SLC24A3: variants seen among roughly 807,000 people sequenced by gnomAD.
The protein encoded by SLC24A3 is sodium/potassium/calcium exchanger 3.
Under a neutral mutation model 75.8 loss-of-function variants are expected in SLC24A3, and 28 were observed. The observed-to-expected ratio is 0.37, with a 90% CI of 0.27 to 0.51. The LOEUF (loss-of-function observed/expected upper bound fraction) is 0.51. Among genes scored for constraint, SLC24A3 ranks in the 20% least tolerant of loss-of-function variants. The probability of loss-of-function intolerance (pLI) is 0.94; values close to 1 mark genes in which losing one functional copy is unlikely to be tolerated. For synonymous variants in SLC24A3, 372 were observed against 334.1 expected (o/e 1.11, Z -1.24); for missense variants, 663 against 847.8 (o/e 0.78, Z 2.71).
intron 2 of SLC24A3, among the ~76,000 whole-genome samples, chr20:19,316,842 T>TAAA (rs1279263830): frequency 6.6e-6 from 1 of 152,196 alleles, no homozygotes; most frequent in Non-Finnish European, 1.5e-5. Context: ...ATTTCCTACT[T>TAAA]TTATTTTAAG....
chr20:19,495,524 C>T (rs574423262), intron 2 of SLC24A3, among the ~76,000 whole-genome samples: 1 of 152,346 alleles, frequency 6.6e-6, no homozygotes, highest in African/African-American at 2.4e-5. Context: ...GCTATTCATC[C>T]AGGCTTGTTA....
intron 7 of SLC24A3, among the ~76,000 whole-genome samples, chr20:19,656,369 C>G (rs997121505): frequency 4.5e-4 from 56 of 124,556 alleles, no homozygotes; most frequent in African/African-American, 1.7e-3. Flanking sequence ...AGAACCCACC[C>G]CACAGAGCAG....
chr20:19,362,706 A>G (rs1985811662), intron 2 of SLC24A3, among the ~76,000 whole-genome samples: 1 of 152,084 alleles, frequency 6.6e-6, no homozygotes, highest in Non-Finnish European at 1.5e-5. Flanking sequence ...ACTTGAACCG[A>G]CGTCTCCTGT....
At chr20:19,392,177 G>A (rs1332134932) in intron 2 of SLC24A3, among the ~76,000 whole-genome samples, 1 of 149,466 alleles carries the variant, frequency 6.7e-6, no homozygotes, top group Non-Finnish European at 1.5e-5. Flanking sequence ...TATCTTAACA[G>A]TTTCCTGAGC....
At chr20:19,235,701 C>T (rs146759632) in intron 1 of SLC24A3, among the ~76,000 whole-genome samples, 9 of 152,318 alleles carry the variant, frequency 5.9e-5, no homozygotes, top group Admixed American at 2.6e-4. Context: ...ACTGTTCCAG[C>T]GCATCACATG....
At chr20:19,335,854 G>A (rs1221313385) in intron 2 of SLC24A3, among the ~76,000 whole-genome samples, 3 of 152,308 alleles carry the variant, frequency 2.0e-5, no homozygotes, top group Middle Eastern at 3.4e-3. Context: ...TACATGACCA[G>A]TGTGTGGGAT....
At chr20:19,538,683 T>A (rs2030444130) in intron 3 of SLC24A3, among the ~76,000 whole-genome samples, 1 of 152,160 alleles carries the variant, frequency 6.6e-6, no homozygotes, top group Non-Finnish European at 1.5e-5. Context: ...GAACATAAAT[T>A]GATGCACTCA....
chr20:19,300,854 T>C (rs1265998219), intron 2 of SLC24A3, among the ~76,000 whole-genome samples: 1 of 152,136 alleles, frequency 6.6e-6, no homozygotes, highest in Non-Finnish European at 1.5e-5. Flanking sequence ...ATTGAGGGAC[T>C]GTTCACTGTC....
At chr20:19,613,879 A>G (rs2031702716) in intron 6 of SLC24A3, among the ~76,000 whole-genome samples, 1 of 152,318 alleles carries the variant, frequency 6.6e-6, no homozygotes, top group Admixed American at 6.5e-5. Flanking sequence ...TCCAGTCTCC[A>G]TGTATTTTTC....
chr20:19,575,581 A>C (rs1482939601), intron 3 of SLC24A3, among the ~76,000 whole-genome samples: 29 of 152,224 alleles, frequency 1.9e-4, no homozygotes, highest in Non-Finnish European at 1.5e-5. Context: ...ATTCCAAAAG[A>C]CCACCCATCT....
rs371293859 is a variant in SLC24A3 at position 19,247,908 on chromosome 20, G to C, written c.143-33051G>C. Among the ~76,000 whole-genome samples, 12 of 152,292 alleles carry C rather than the reference G, an allele frequency of 7.9e-5. No individual in the cohort carries two copies. In the East Asian group the frequency reaches 1.9e-3, roughly 25 times the overall value. Reference sequence around the variant, plus strand: ...TTCCTAATTGTGTGGTTTGGGGTTAGTGCTTAATTTTCTCTCAGCCTCAGT... The same window carrying C: ...TTCCTAATTGTGTGGTTTGGGGTTACTGCTTAATTTTCTCTCAGCCTCAGT... On this transcript the variant is annotated intron_variant, in intron 1 of 16. Transcript: ENST00000328041.
chr20:19,263,072 T>TG (rs1983046536), intron 1 of SLC24A3, among the ~76,000 whole-genome samples: 4 of 148,956 alleles, frequency 2.7e-5, no homozygotes, highest in African/African-American at 1.0e-4. Context: ...TGTGTGTGTG[T>TG]TTTCTGTTGA....
chr20:19,448,714 C>G (rs1433801038), intron 2 of SLC24A3, among the ~76,000 whole-genome samples: 1 of 152,168 alleles, frequency 6.6e-6, no homozygotes, highest in Non-Finnish European at 1.5e-5. Flanking sequence ...GTATATTATT[C>G]TGACATCCCT....
chr20:19,483,137 CA>C (rs1353406299), intron 2 of SLC24A3, among the ~76,000 whole-genome samples: 2 of 152,200 alleles, frequency 1.3e-5, no homozygotes, highest in Non-Finnish European at 2.9e-5. Flanking sequence ...CCAGGCACAT[CA>C]GGGGCAATGA....
At chr20:19,462,274 C>CTTTTTT in intron 2 of SLC24A3, among the ~76,000 whole-genome samples, 1 of 149,316 alleles carries the variant, frequency 6.7e-6, no homozygotes, top group Middle Eastern at 3.4e-3. Context: ...GGGTGGCTTT[C>CTTTTTT]TTTCTTTTTT....
At chr20:19,699,795 C>T (rs2032850957) in intron 15 of SLC24A3, among the ~76,000 whole-genome samples, 1 of 152,220 alleles carries the variant, frequency 6.6e-6, no homozygotes, top group Non-Finnish European at 1.5e-5. Flanking sequence ...CATGAGATGT[C>T]TCTATCCAGG....
intron 3 of SLC24A3, among the ~76,000 whole-genome samples, chr20:19,532,401 C>A (rs565919728): frequency 2.0e-5 from 3 of 152,322 alleles, no homozygotes; most frequent in Admixed American, 6.5e-5. Context: ...CTGTCTCAGC[C>A]TCTGGTGCCC....
At chr20:19,673,494 T>C in intron 8 of SLC24A3, 107 bp from the exon 9 acceptor site, 1 of 925,436 alleles carries the variant, frequency 1.1e-6, no homozygotes, top group Non-Finnish European at 1.8e-6. Flanking sequence ...CCGTCTGCCT[T>C]CTCCTTACTA....
At chr20:19,243,787 T>A (rs142087117) in intron 1 of SLC24A3, 1 of 152,386 alleles carries the variant, frequency 6.6e-6, no homozygotes, top group Non-Finnish European at 1.5e-5. Flanking sequence ...CTCCCCTTGG[T>A]TCTGAGGACG....
Sources: gnomAD v4.1 joint callset for allele counts (sites outside exome capture counted in the v4.1 genomes callset) on GRCh38, gnomAD v4.1.1 for gene constraint, MANE v1.5 for transcripts, NCBI Gene and HGNC (gene_info 2026-07-23, HGNC 2026-07-21) for gene names.